Variants in CLCN5 observed in about 807,000 individuals in gnomAD.
CLCN5 encodes H(+)/Cl(-) exchange transporter 5.
Under a neutral mutation model 54.0 loss-of-function variants are expected in CLCN5, and 17 were observed. The ratio of observed to expected loss-of-function variants is 0.31; its 90% confidence interval spans 0.22 to 0.47. The LOEUF is 0.47. Ranked by LOEUF, CLCN5 falls within the 20% of genes least tolerant of loss-of-function variation. CLCN5 has a pLI of 1.00. For synonymous variants in CLCN5, 222 were observed against 233.0 expected, an observed-to-expected ratio of 0.95 and a Z score of 0.43; for missense variants, 448 against 646.7, an observed-to-expected ratio of 0.69 and a Z score of 3.33.
chrX:50,063,238 T>C (rs1265660792), intron 4 of CLCN5, among the ~76,000 whole-genome samples: 1 of 92,599 alleles, frequency 1.1e-5, no homozygotes, highest in African/African-American at 4.5e-5. Flanking sequence ...TTTGAAAGGA[T>C]CAACAAAATT....
intron 3 of CLCN5, among the ~76,000 whole-genome samples, chrX:50,014,251 G>GCC: frequency 9.0e-6 from 1 of 111,425 alleles, no homozygotes; most frequent in Middle Eastern, 4.6e-3. Context: ...CAGACAAAGT[G>GCC]CCTGTGAGTC....
chrX:50,056,878 C>CAG (rs1932757880), intron 4 of CLCN5, among the ~76,000 whole-genome samples: 1 of 111,983 alleles, frequency 8.9e-6, no homozygotes, highest in African/African-American at 3.2e-5. Flanking sequence ...AACTTCATTT[C>CAG]AATATCATAG....
intron 3 of CLCN5, among the ~76,000 whole-genome samples, chrX:50,016,444 CCA>C (rs1165587029): frequency 2.7e-5 from 3 of 109,824 alleles, no homozygotes; most frequent in Non-Finnish European, 3.8e-5. Flanking sequence ...TCGAGACACC[CCA>C]GTTTCCGCTA....
At chrX:49,944,359 A>C (rs782169871) in intron 3 of CLCN5, among the ~76,000 whole-genome samples, 2 of 111,575 alleles carry the variant, frequency 1.8e-5, no homozygotes, top group South Asian at 7.5e-4. Flanking sequence ...AACAGGGACA[A>C]TTTGACTTCC....
intron 3 of CLCN5, among the ~76,000 whole-genome samples, chrX:49,984,790 T>A (rs1033805777): frequency 3.5e-4 from 38 of 109,548 alleles, no homozygotes; most frequent in South Asian, 7.8e-4. Context: ...ATTTAAAAAA[T>A]TTTTTTTTGT....
At chrX:49,958,795 A>T (rs1557174214) in intron 3 of CLCN5, among the ~76,000 whole-genome samples, 1 of 111,770 alleles carries the variant, frequency 8.9e-6, no homozygotes. Flanking sequence ...TCTTATTCAC[A>T]TTTGTGCTAC....
At chrX:49,990,414 C>T (rs1348334045) in intron 3 of CLCN5, among the ~76,000 whole-genome samples, 1 of 109,339 alleles carries the variant, frequency 9.1e-6, no homozygotes, top group East Asian at 2.9e-4. Flanking sequence ...CCACCCTTCC[C>T]CACAAGTCAC....
intron 6 of CLCN5, among the ~76,000 whole-genome samples, chrX:50,075,133 A>G (rs1051632058): frequency 4.5e-5 from 5 of 111,553 alleles, no homozygotes; most frequent in Non-Finnish European, 5.6e-5. Flanking sequence ...AGGCCTCAAC[A>G]TGTCTATAGC....
intron 3 of CLCN5, among the ~76,000 whole-genome samples, chrX:49,944,830 A>G (rs1227483334): frequency 3.6e-5 from 4 of 111,665 alleles, no homozygotes; most frequent in Non-Finnish European, 5.6e-5. Flanking sequence ...GGAGTTTTGC[A>G]TCGATGCTCA....
intron 4 of CLCN5, among the ~76,000 whole-genome samples, chrX:50,057,394 C>T: frequency 1.2e-5 from 1 of 80,985 alleles, no homozygotes; most frequent in Non-Finnish European, 2.4e-5. Flanking sequence ...AGATACTATC[C>T]AGGACTCTCC....
chrX:49,932,025 C>A (rs782633719), intron 3 of CLCN5, among the ~76,000 whole-genome samples: 3 of 111,639 alleles, frequency 2.7e-5, no homozygotes, highest in African/African-American at 9.8e-5. Flanking sequence ...AAGCAGTCCT[C>A]CCACCTCAGC....
chrX:50,007,440 T>TCTCA (rs1374630944), intron 3 of CLCN5, among the ~76,000 whole-genome samples: 22 of 69,483 alleles, frequency 3.2e-4, no homozygotes, highest in South Asian at 6.4e-4. Flanking sequence ...TCTCTCTCTG[T>TCTCA]CACACACACA....
At chrX:49,979,172 T>C (rs1170449562) in intron 3 of CLCN5, among the ~76,000 whole-genome samples, 1 of 111,822 alleles carries the variant, frequency 8.9e-6, no homozygotes, top group Non-Finnish European at 1.9e-5. Flanking sequence ...ACAAAGTACC[T>C]ACTATTTATA....
At chrX:49,923,214 G>C (rs1243389117) in intron 1 of CLCN5, among the ~76,000 whole-genome samples, 193 bp from the exon 2 acceptor site, 1 of 113,199 alleles carries the variant, frequency 8.8e-6, no homozygotes, top group Non-Finnish European at 1.9e-5. Flanking sequence ...TGGACTTGCC[G>C]CTGGTTTTGT....
intron 3 of CLCN5, among the ~76,000 whole-genome samples, chrX:49,943,877 G>T (rs199750083): frequency 1.7e-4 from 19 of 111,166 alleles, no homozygotes; most frequent in Non-Finnish European, 2.4e-4. Flanking sequence ...GATTGACTTG[G>T]CAATGCGGGC....
intron 3 of CLCN5, among the ~76,000 whole-genome samples, chrX:50,017,946 T>G (rs1930872391): frequency 9.0e-6 from 1 of 111,662 alleles, no homozygotes; most frequent in African/African-American, 3.3e-5. Context: ...AAAATTGTGT[T>G]GGCTATTCTG....
chrX:50,002,820 A>G lies in CLCN5; in HGVS notation c.17-39496A>G, dbSNP rs782507342. ...ATGCCAGATTCTAAGCTTTCTTACC[A>G]TCTGTTCTCGTATGTGTGTTATTTC... is the stretch of plus-strand genomic sequence containing the variant. On this transcript the variant is annotated intron_variant, in intron 3 of 14. Coordinates refer to ENST00000376091, the MANE Select transcript of CLCN5 (RefSeq NM_001127898.4). 2.7e-5 allele frequency among the ~76,000 whole-genome samples: 3 copies of G among 109,605 alleles called. No individual in the cohort carries two copies. The South Asian group carries it at 1.2e-3, about 44-fold the overall frequency.
At chrX:50,059,027 TTC>T (rs1367860919) in intron 4 of CLCN5, among the ~76,000 whole-genome samples, 1 of 111,775 alleles carries the variant, frequency 8.9e-6, no homozygotes, top group East Asian at 2.8e-4. Context: ...GGTAGATCAT[TTC>T]TGTTGCCATT....
intron 3 of CLCN5, among the ~76,000 whole-genome samples, chrX:49,970,063 A>G (rs1181193470): frequency 9.0e-6 from 1 of 111,457 alleles, no homozygotes; most frequent in Non-Finnish European, 1.9e-5. Context: ...TTATAAAGAC[A>G]TTTCAGCTTT....
Sources: gnomAD v4.1 joint callset for allele counts (sites outside exome capture counted in the v4.1 genomes callset) on GRCh38, gnomAD v4.1.1 for gene constraint, MANE v1.5 for transcripts, NCBI Gene and HGNC (gene_info 2026-07-23, HGNC 2026-07-21) for gene names.